Variants in ABI2 observed in about 807,000 individuals in gnomAD.
ABI2 encodes abl interactor 2, also known as abelson interactor 2.
Under a neutral mutation model 59.2 loss-of-function variants are expected in ABI2, and 25 were observed. The ratio of observed to expected loss-of-function variants is 0.42; its 90% CI spans 0.31 to 0.59. The LOEUF is 0.59. Among genes scored for constraint, ABI2 ranks in the 20% least tolerant of loss-of-function variants. The pLI is 0.14. For missense variants in ABI2, 545 were observed against 681.8 expected, an observed-to-expected ratio of 0.80 and a Z score of 2.23; for synonymous variants, 213 against 235.5, an observed-to-expected ratio of 0.90 and a Z score of 0.87.
At chr2:203,385,296 T>C (rs1270524675) in intron 4 of ABI2, among the ~76,000 whole-genome samples, 1 of 151,170 alleles carries the variant, frequency 6.6e-6, no homozygotes, top group Non-Finnish European at 1.5e-5. Flanking sequence ...CTCGCCCAGC[T>C]AATTTTTTGT....
At chr2:203,400,462 C>T (rs146595891) in intron 8 of ABI2, among the ~76,000 whole-genome samples, 25 of 152,202 alleles carry the variant, frequency 1.6e-4, no homozygotes, top group Non-Finnish European at 3.2e-4. Context: ...TTAACTTGAT[C>T]GTAGGTTTGT....
chr2:203,351,362 T>A (rs1241988785), intron 1 of ABI2, among the ~76,000 whole-genome samples: 1 of 152,190 alleles, frequency 6.6e-6, no homozygotes, highest in African/African-American at 2.4e-5. Flanking sequence ...ATTTGTTAAT[T>A]TCTGCCACAA....
chr2:203,376,888 T>C (rs2095739855), intron 2 of ABI2, among the ~76,000 whole-genome samples: 1 of 152,214 alleles, frequency 6.6e-6, no homozygotes, highest in Non-Finnish European at 1.5e-5. Flanking sequence ...ATTTCTAATT[T>C]ATATTTTAAT....
chr2:203,405,777 T>C (rs1400551146), intron 9 of ABI2, among the ~76,000 whole-genome samples: 2 of 152,164 alleles, frequency 1.3e-5, no homozygotes, highest in East Asian at 1.9e-4. Context: ...TGACAATCTT[T>C]GGAAGGTTTC....
At chr2:203,406,231 G>A (rs3769677) in intron 9 of ABI2, among the ~76,000 whole-genome samples, 112,202 of 152,044 alleles carry the variant, frequency 0.74, 42,495 homozygotes, top group Middle Eastern at 0.87. Flanking sequence ...GTGAGTATGT[G>A]TACATATACT....
intron 2 of ABI2, among the ~76,000 whole-genome samples, chr2:203,379,004 A>G (rs924032081): frequency 1.3e-5 from 2 of 152,230 alleles, no homozygotes; most frequent in Admixed American, 6.5e-5. Flanking sequence ...TGCTGCTTAC[A>G]TACCACTAAA....
rs544575978 is a variant in ABI2 at position 203,422,133 on chromosome 2, C to T, written c.1454-5044C>T. On this transcript the variant is annotated intron_variant, in intron 11 of 11. Coordinates refer to ENST00000261018, the MANE Select transcript of ABI2 (RefSeq NM_001375670.1). ...CAACATGGCGATACCCTCGTCTCTA[C>T]AAAAAATTAGAAAACTTAGCCAGAC... Among the ~76,000 whole-genome samples the T allele has an allele frequency of 2.0e-5, 3 of 151,902 alleles. No homozygotes were observed. In the South Asian group the frequency reaches 6.3e-4, roughly 32 times the overall value.
chr2:203,380,857 A>C (rs1347367637), intron 3 of ABI2, among the ~76,000 whole-genome samples: 6 of 152,180 alleles, frequency 3.9e-5, no homozygotes, highest in Non-Finnish European at 8.8e-5. Flanking sequence ...TGTTAGGTAA[A>C]AGTGATAGGT....
At chr2:203,369,266 G>C (rs750673748) in intron 2 of ABI2, among the ~76,000 whole-genome samples, 1 of 151,556 alleles carries the variant, frequency 6.6e-6, no homozygotes, top group Non-Finnish European at 1.5e-5. Context: ...AAAAAGAAAC[G>C]TTAAAAAAAA....
intron 1 of ABI2, among the ~76,000 whole-genome samples, chr2:203,351,000 C>G (rs2087907783): frequency 6.6e-6 from 1 of 152,018 alleles, no homozygotes; most frequent in South Asian, 2.1e-4. Context: ...ACATTTAGAT[C>G]TTTGATCCAT....
intron 5 of ABI2, among the ~76,000 whole-genome samples, chr2:203,392,317 A>T (rs2443793): frequency 2.8e-5 from 3 of 108,590 alleles, no homozygotes; most frequent in African/African-American, 1.0e-4. Context: ...ACCACCACCA[A>T]CAACAACAAC....
chr2:203,349,842 A>T (rs886754793), intron 1 of ABI2, among the ~76,000 whole-genome samples: 1 of 152,068 alleles, frequency 6.6e-6, no homozygotes, highest in African/African-American at 2.4e-5. Context: ...TTCATAACAT[A>T]TAACGTTATA....
chr2:203,380,475 C>G, intron 3 of ABI2, 91 bp downstream of exon 3: 2 of 806,562 alleles, frequency 2.5e-6, no homozygotes, highest in South Asian at 2.9e-5. Flanking sequence ...GTCTTTCTTT[C>G]CTAGAGGACA....
At chr2:203,364,458 C>G (rs1461728831) in intron 1 of ABI2, among the ~76,000 whole-genome samples, 1 of 152,162 alleles carries the variant, frequency 6.6e-6, no homozygotes, top group Non-Finnish European at 1.5e-5. Context: ...GGCGAGAATT[C>G]TACCACTGAA....
intron 1 of ABI2, among the ~76,000 whole-genome samples, chr2:203,343,335 GC>G (rs1373974535): frequency 6.6e-5 from 10 of 152,314 alleles, no homozygotes; most frequent in Non-Finnish European, 1.3e-4. Context: ...CTGCACTCTA[GC>G]CTGGACGACA....
chr2:203,375,405 T>C (rs2095614710), intron 2 of ABI2, among the ~76,000 whole-genome samples: 1 of 152,244 alleles, frequency 6.6e-6, no homozygotes, highest in African/African-American at 2.4e-5. Context: ...TATTGTCATA[T>C]AACTAGTAAC....
chr2:203,424,630 C>G (rs1009213791), intron 11 of ABI2, among the ~76,000 whole-genome samples: 5 of 152,032 alleles, frequency 3.3e-5, no homozygotes, highest in South Asian at 4.2e-4. Context: ...AACTCATGGC[C>G]TCAAGTGATT....
intron 4 of ABI2, among the ~76,000 whole-genome samples, chr2:203,384,561 C>T (rs1483651401): frequency 2.0e-5 from 3 of 152,068 alleles, no homozygotes; most frequent in East Asian, 1.9e-4. Context: ...CCTCTCACCT[C>T]GGCCTCCCAA....
At chr2:203,422,617 G>C (rs1294460859) in intron 11 of ABI2, among the ~76,000 whole-genome samples, 1 of 152,144 alleles carries the variant, frequency 6.6e-6, no homozygotes, top group Non-Finnish European at 1.5e-5. Context: ...TCAAGAAGCA[G>C]GCAGAGGTAA....
Sources: gnomAD v4.1 joint callset for allele counts (sites outside exome capture counted in the v4.1 genomes callset) on GRCh38, gnomAD v4.1.1 for gene constraint, MANE v1.5 for transcripts, NCBI Gene and HGNC (gene_info 2026-07-23, HGNC 2026-07-21) for gene names.